Variants in AOPEP observed in about 807,000 individuals in gnomAD.
AOPEP encodes aminopeptidase O.
AOPEP carries 77 observed loss-of-function variants against 98.1 expected under a neutral mutation model. The observed-to-expected ratio is 0.78, with a 90% CI of 0.65 to 0.95. The LOEUF is 0.95. Ranked by LOEUF, AOPEP falls within the 40% of genes least tolerant of loss-of-function variation. The pLI, the probability that AOPEP is intolerant of heterozygous loss-of-function variation, is 0.00. For missense variants in AOPEP, 1,024 were observed against 1,024.7 expected (o/e 1.00, Z 0.01); for synonymous variants, 346 against 365.3 (o/e 0.95, Z 0.60).
chr9:95,060,808 G>A lies in AOPEP; in HGVS notation c.2230G>A (p.Glu744Lys), dbSNP rs750429635. ...ATACCACCTCCAGGATCAGGATGCA[G>A]AGGTAACCAGGAACACTCTCGGAGT... is the stretch of plus-strand genomic sequence containing the variant. ...RTYHLQDQDA[E>K]VRHRWCELIV... The change falls in exon 14 of 17, where the codon GAG becomes AAG. Residue 744 changes from glutamate (E) to lysine (K), a missense_variant and splice_region_variant. By Grantham distance (56) the Glu-to-Lys change is moderately conservative. Coordinates refer to ENST00000375315, the MANE Select transcript of AOPEP (RefSeq NM_001193329.3). 64 of 1,594,744 alleles carry A rather than the reference G, an allele frequency of 4.0e-5. No homozygotes were observed. In the East Asian group the frequency reaches 1.4e-3, roughly 35 times the overall value.
At chr9:94,943,645 A>G (rs9802263) in intron 7 of AOPEP, among the ~76,000 whole-genome samples, 85,903 of 150,202 alleles carry the variant, frequency 0.57, 25,256 homozygotes, top group African/African-American at 0.72. Flanking sequence ...CTGGCTGGGC[A>G]CAGTGGCTCA....
chr9:94,868,352 A>G (rs925159662), intron 5 of AOPEP, among the ~76,000 whole-genome samples: 5 of 152,190 alleles, frequency 3.3e-5, no homozygotes, highest in African/African-American at 9.7e-5. Flanking sequence ...GATCTCAAGG[A>G]CTGTGCTTGC....
chr9:94,959,864 A>G (rs1465958691), intron 9 of AOPEP, among the ~76,000 whole-genome samples: 2 of 152,218 alleles, frequency 1.3e-5, no homozygotes, highest in African/African-American at 4.8e-5. Context: ...AATTTTATAA[A>G]AATAGGATTA....
intron 5 of AOPEP, among the ~76,000 whole-genome samples, chr9:94,885,052 A>G (rs2048052361): frequency 7.1e-6 from 1 of 141,406 alleles, no homozygotes; most frequent in Non-Finnish European, 1.5e-5. Context: ...AAAGTGCTAT[A>G]TTAACATTTG....
intron 7 of AOPEP, among the ~76,000 whole-genome samples, chr9:94,944,859 G>T (rs147410702): frequency 3.2e-4 from 48 of 152,212 alleles, no homozygotes; most frequent in Middle Eastern, 3.4e-3. Context: ...TCATAAGGTT[G>T]CACAACCTTA....
chr9:94,794,513 G>A (rs995167467), intron 4 of AOPEP, among the ~76,000 whole-genome samples: 20 of 152,186 alleles, frequency 1.3e-4, no homozygotes, highest in Non-Finnish European at 2.9e-4. Context: ...TCATCTTTCA[G>A]AGATGAAGCT....
At chr9:94,732,603 A>G (rs942470752) in intron 1 of AOPEP, among the ~76,000 whole-genome samples, 1 of 152,230 alleles carries the variant, frequency 6.6e-6, no homozygotes, top group African/African-American at 2.4e-5. Flanking sequence ...ATACTTAAAT[A>G]TGAGGATTTC....
chr9:94,788,687 C>A (rs1296735083), intron 3 of AOPEP, among the ~76,000 whole-genome samples: 1 of 152,204 alleles, frequency 6.6e-6, no homozygotes, highest in Non-Finnish European at 1.5e-5. Context: ...TAATCCCCTT[C>A]TTTCAGTCTC....
At chr9:95,036,996 A>G (rs2064888622) in intron 13 of AOPEP, among the ~76,000 whole-genome samples, 1 of 152,184 alleles carries the variant, frequency 6.6e-6, no homozygotes, top group South Asian at 2.1e-4. Flanking sequence ...GAAAGTGGTA[A>G]CATCTCTGTG....
intron 4 of AOPEP, among the ~76,000 whole-genome samples, chr9:94,798,349 A>G (rs922380999): frequency 1.3e-5 from 2 of 152,186 alleles, no homozygotes; most frequent in Admixed American, 6.5e-5. Context: ...AGTGCCTTTT[A>G]TGCCCAGAGA....
At chr9:94,762,204 T>C (rs1838469527) in intron 2 of AOPEP, among the ~76,000 whole-genome samples, 1 of 152,078 alleles carries the variant, frequency 6.6e-6, no homozygotes. Flanking sequence ...TCCCAGCACT[T>C]TGGGAGGCTG....
At chr9:95,123,719 C>A in the AOPEP span, 5 of 690,006 alleles carry the variant, frequency 7.2e-6, no homozygotes, top group South Asian at 6.8e-5. Context: ...GCTTCCCAAG[C>A]TGTATTTGAA....
At chr9:95,089,223 C>T (rs1048798966), downstream of AOPEP, among the ~76,000 whole-genome samples, 4 of 152,316 alleles carry the variant, frequency 2.6e-5, no homozygotes, top group East Asian at 1.9e-4. Flanking sequence ...ACCGGGGTCT[C>T]GGGGTCAGTA....
At chr9:95,002,846 G>C (rs547775110) in intron 11 of AOPEP, among the ~76,000 whole-genome samples, 1 of 152,322 alleles carries the variant, frequency 6.6e-6, no homozygotes, top group Non-Finnish European at 1.5e-5. Flanking sequence ...TGGCTTCTCT[G>C]TGGAGGATGG....
intron 11 of AOPEP, chr9:95,003,988 A>G (rs963133211): frequency 3.3e-6 from 1 of 305,668 alleles, no homozygotes; most frequent in Non-Finnish European, 6.5e-6. Flanking sequence ...TCCTCTGTGT[A>G]AAATACTCCA....
chr9:95,143,410 G>A, the AOPEP span, among the ~76,000 whole-genome samples: 1 of 152,088 alleles, frequency 6.6e-6, no homozygotes, highest in African/African-American at 2.4e-5. Context: ...TGGTTCCTTT[G>A]GCTACCAGCC....
the AOPEP span, chr9:95,135,483 T>C: frequency 5.6e-6 from 9 of 1,613,870 alleles, no homozygotes; most frequent in Admixed American, 1.7e-5. Flanking sequence ...ACAGCTGACA[T>C]GGGGAGAGAA....
At chr9:95,127,336 C>T in the AOPEP span, 1 of 152,268 alleles carries the variant, frequency 6.6e-6, no homozygotes. Flanking sequence ...TGTTCCAAAA[C>T]AGATCCTTTA....
intron 13 of AOPEP, among the ~76,000 whole-genome samples, chr9:95,010,821 G>A (rs552503322): frequency 2.5e-4 from 38 of 152,224 alleles, no homozygotes; most frequent in African/African-American, 8.9e-4. Context: ...AGTGATGGGG[G>A]GAGGCAGAAT....
Sources: allele counts gnomAD v4.1 joint callset (sites outside exome capture counted in the v4.1 genomes callset), GRCh38; gene constraint gnomAD v4.1.1; transcripts MANE v1.5; gene names NCBI Gene and HGNC (gene_info 2026-07-23, HGNC 2026-07-21).